CCDC60: variants seen among roughly 807,000 people sequenced by gnomAD.
CCDC60 encodes coiled-coil domain-containing protein 60.
CCDC60 carries 54 observed loss-of-function variants against 63.5 expected under a neutral mutation model. That is an observed-to-expected ratio of 0.85 (90% confidence interval 0.68 to 1.07). The LOEUF (loss-of-function observed/expected upper bound fraction) is 1.07, where lower values mean the gene tolerates loss of function less well. Ranked by LOEUF, CCDC60 falls within the 50% of genes least tolerant of loss-of-function variation. CCDC60 has a pLI of 0.00. For missense variants in CCDC60, 651 were observed against 684.3 expected, an observed-to-expected ratio of 0.95 and a Z score of 0.54; for synonymous variants, 206 against 238.8, an observed-to-expected ratio of 0.86 and a Z score of 1.27.
Position 119,527,666 on chromosome 12 carries a change from C to CTTTTTTT in CCDC60, c.1230-930_1230-924dup, listed in dbSNP as rs869099213. On this transcript the variant is annotated intron_variant, in intron 11 of 13. Transcript: ENST00000327554. ...TTGTTTTTTCTTTCTTTCTTTCTTT[C>CTTTTTTT]TTTTTTTTTTTTTTTTTTTTTTTTT... Among the ~76,000 whole-genome samples the CTTTTTTT allele has an allele frequency of 7.4e-3, 631 of 85,004 alleles. 11 individuals are homozygous for CTTTTTTT. Among genetic ancestry groups the CTTTTTTT allele is most frequent in the African/African-American group, 0.013 (270 of 20,256 alleles). 55.8% of individuals were successfully genotyped at this position (85,004 alleles called of 152,430 possible).
At chr12:119,529,631 C>T (rs982805061) in intron 12 of CCDC60, among the ~76,000 whole-genome samples, 1 of 152,158 alleles carries the variant, frequency 6.6e-6, no homozygotes, top group South Asian at 2.1e-4. Flanking sequence ...GTTGTTGGAA[C>T]TTCTACACAT....
At chr12:119,393,193 G>T (rs916979208) in intron 1 of CCDC60, among the ~76,000 whole-genome samples, 3 of 152,038 alleles carry the variant, frequency 2.0e-5, no homozygotes, top group Admixed American at 2.0e-4. Context: ...GGGTTGCCAG[G>T]TACTCACCAT....
intron 1 of CCDC60, among the ~76,000 whole-genome samples, chr12:119,357,836 T>G: frequency 6.6e-6 from 1 of 152,184 alleles, no homozygotes; most frequent in Non-Finnish European, 1.5e-5. Flanking sequence ...TACCTGAGAC[T>G]GAATAATTTA....
intron 4 of CCDC60, among the ~76,000 whole-genome samples, chr12:119,481,964 C>CATATATATATAGTATATATATGTGTAT (rs1555249290): frequency 7.3e-5 from 9 of 122,652 alleles, no homozygotes; most frequent in African/African-American, 1.5e-4. Context: ...AGTATTCCAT[C>CATATATATATAGTATATATATGTGTAT]ATATATATAT....
intron 7 of CCDC60, among the ~76,000 whole-genome samples, chr12:119,514,109 T>C (rs754137205): frequency 6.6e-6 from 1 of 152,164 alleles, no homozygotes; most frequent in African/African-American, 2.4e-5. Context: ...GACAGCAATA[T>C]TGATAATCCT....
At chr12:119,459,943 G>A (rs1950824831) in intron 2 of CCDC60, among the ~76,000 whole-genome samples, 1 of 152,154 alleles carries the variant, frequency 6.6e-6, no homozygotes, top group Admixed American at 6.5e-5. Flanking sequence ...TTTCTCTATT[G>A]CAATAATGCT....
chr12:119,531,145 G>A, intron 13 of CCDC60, 82 bp downstream of exon 13: 2 of 1,241,286 alleles, frequency 1.6e-6, no homozygotes, highest in Non-Finnish European at 2.3e-6. Context: ...CTGTTTAAGT[G>A]CTGGGGACAC....
At chr12:119,357,124 A>G (rs1166552739) in intron 1 of CCDC60, among the ~76,000 whole-genome samples, 1 of 152,178 alleles carries the variant, frequency 6.6e-6, no homozygotes, top group African/African-American at 2.4e-5. Context: ...TTGAAATGTA[A>G]TATTTGTAAA....
intron 5 of CCDC60, among the ~76,000 whole-genome samples, chr12:119,498,839 C>G (rs1951776314): frequency 6.6e-6 from 1 of 152,180 alleles, no homozygotes; most frequent in South Asian, 2.1e-4. Context: ...GTTGAGAGAT[C>G]ACACGTTGAG....
intron 2 of CCDC60, among the ~76,000 whole-genome samples, chr12:119,459,257 T>C (rs988855602): frequency 2.0e-5 from 3 of 152,166 alleles, no homozygotes; most frequent in Admixed American, 1.3e-4. Flanking sequence ...TACCCGAGGA[T>C]CCTGTTAAAA....
intron 12 of CCDC60, among the ~76,000 whole-genome samples, chr12:119,530,055 C>G (rs1952793887): frequency 6.6e-6 from 1 of 152,150 alleles, no homozygotes. Context: ...ATGAGTTAGG[C>G]AGTATTCTAG....
intron 1 of CCDC60, among the ~76,000 whole-genome samples, chr12:119,350,062 T>C (rs1326835209): frequency 6.6e-6 from 1 of 152,174 alleles, no homozygotes; most frequent in Non-Finnish European, 1.5e-5. Context: ...AGAAGAGTGG[T>C]CCTGTTCTCC....
rs1041074201 is a variant in CCDC60, at chr12:119,347,733, A to G, written c.90+12467A>G. On this transcript the variant is annotated intron_variant, in intron 1 of 13. Coordinates refer to ENST00000327554, the MANE Select transcript of CCDC60 (RefSeq NM_178499.5). The stretch of plus-strand genomic sequence containing the variant: ...TATGAATACCATTCTAATACTTACT[A>G]TGTAAACTTGGGCAAGTTACTCTCT... Among the ~76,000 whole-genome samples, 7 of 152,148 alleles carry G rather than the reference A, an allele frequency of 4.6e-5. No individual in the cohort carries two copies. In the East Asian group the frequency reaches 7.7e-4, roughly 17 times the overall value.
intron 11 of CCDC60, 94 bp downstream of exon 11, chr12:119,523,912 A>T: frequency 7.5e-7 from 1 of 1,331,242 alleles, no homozygotes; most frequent in Non-Finnish European, 1.0e-6. Flanking sequence ...TATATCACAA[A>T]CAAGAAGAAC....
intron 5 of CCDC60, 53 bp downstream of exon 5, chr12:119,488,919 G>A (rs1951519627): frequency 2.1e-6 from 3 of 1,412,984 alleles, no homozygotes; most frequent in East Asian, 4.6e-5. Context: ...TGGGCAGTGG[G>A]GAAGAGATTC....
At chr12:119,451,771 A>G (rs1566017136) in intron 2 of CCDC60, among the ~76,000 whole-genome samples, 1 of 152,244 alleles carries the variant, frequency 6.6e-6, no homozygotes, top group Non-Finnish European at 1.5e-5. Flanking sequence ...TGCATTCAAA[A>G]TTAGGCAGAA....
chr12:119,531,877 G>A (rs1952852024), intron 13 of CCDC60, among the ~76,000 whole-genome samples: 1 of 152,210 alleles, frequency 6.6e-6, no homozygotes, highest in Non-Finnish European at 1.5e-5. Context: ...CCACAGTAAG[G>A]TGTTAGCAGA....
intron 1 of CCDC60, among the ~76,000 whole-genome samples, chr12:119,409,305 C>A (rs1956550684): frequency 6.6e-6 from 1 of 152,104 alleles, no homozygotes; most frequent in Non-Finnish European, 1.5e-5. Flanking sequence ...GCTGATACGG[C>A]TTTGTGGGGG....
chr12:119,365,276 C>T (rs1257891443), intron 1 of CCDC60, among the ~76,000 whole-genome samples: 1 of 152,034 alleles, frequency 6.6e-6, no homozygotes, highest in African/African-American at 2.4e-5. Flanking sequence ...ACAAAAGGGA[C>T]AGATTCAAGA....
Sources: allele counts gnomAD v4.1 joint callset (sites outside exome capture counted in the v4.1 genomes callset), GRCh38; gene constraint gnomAD v4.1.1; transcripts MANE v1.5; gene names NCBI Gene and HGNC (gene_info 2026-07-23, HGNC 2026-07-21).